AFG2A: variants seen among roughly 807,000 people sequenced by gnomAD.
AFG2A encodes the protein ATPase family gene 2 protein homolog A.
chr4:123,252,514 A>T, the AFG2A span, among the ~76,000 whole-genome samples: 5 of 152,204 alleles, frequency 3.3e-5, no homozygotes. Flanking sequence ...CAAAGAAGAT[A>T]ATCTTTCCAG....
the AFG2A span, among the ~76,000 whole-genome samples, chr4:123,214,651 A>G: frequency 6.6e-6 from 1 of 152,064 alleles, no homozygotes; most frequent in Non-Finnish European, 1.5e-5. Flanking sequence ...ACCATTTACT[A>G]ACATGAAATA....
the AFG2A span, among the ~76,000 whole-genome samples, chr4:123,096,227 A>G: frequency 6.6e-6 from 1 of 152,126 alleles, no homozygotes; most frequent in African/African-American, 2.4e-5. Flanking sequence ...TGAGTCCTCT[A>G]GTGTTCATTT....
At chr4:123,115,240 C>CG in the AFG2A span, among the ~76,000 whole-genome samples, 3 of 151,924 alleles carry the variant, frequency 2.0e-5, no homozygotes, top group Non-Finnish European at 4.4e-5. Context: ...GAGACCCTGC[C>CG]GGGGGGCACC....
At chr4:123,003,665 AG>A in the AFG2A span, among the ~76,000 whole-genome samples, 3 of 151,654 alleles carry the variant, frequency 2.0e-5, no homozygotes, top group African/African-American at 7.3e-5. Context: ...TCCCTCTGGA[AG>A]TTTTGTCTCA....
the AFG2A span, among the ~76,000 whole-genome samples, chr4:123,064,435 T>G: frequency 1.3e-5 from 2 of 152,226 alleles, no homozygotes; most frequent in African/African-American, 4.8e-5. Flanking sequence ...CACAGAAAGG[T>G]CCCTGCATTA....
At chr4:123,093,232 T>C in the AFG2A span, among the ~76,000 whole-genome samples, 3 of 152,318 alleles carry the variant, frequency 2.0e-5, no homozygotes, top group East Asian at 3.9e-4. Flanking sequence ...GGTGCAGGGC[T>C]AACTCATAAG....
the AFG2A span, among the ~76,000 whole-genome samples, chr4:123,301,252 C>G: frequency 6.6e-5 from 10 of 151,972 alleles, no homozygotes; most frequent in Non-Finnish European, 7.4e-5. Context: ...TACTATGTGG[C>G]CAACAAACAC....
chr4:123,269,004 C>T, the AFG2A span, among the ~76,000 whole-genome samples: 2 of 152,200 alleles, frequency 1.3e-5, no homozygotes, highest in South Asian at 4.1e-4. Context: ...GAATCAGCCA[C>T]ACTGGGAATT....
the AFG2A span, among the ~76,000 whole-genome samples, chr4:123,038,954 A>G: frequency 1.3e-5 from 2 of 152,128 alleles, no homozygotes; most frequent in African/African-American, 2.4e-5. Context: ...CAAACAAAGT[A>G]TCAAGAATGT....
chr4:122,931,624 T>C, the AFG2A span, among the ~76,000 whole-genome samples: 1 of 152,100 alleles, frequency 6.6e-6, no homozygotes, highest in Non-Finnish European at 1.5e-5. Context: ...GATTTAGAAG[T>C]GTTAGAAATG....
chr4:123,087,210 G>C, the AFG2A span, among the ~76,000 whole-genome samples: 1 of 152,192 alleles, frequency 6.6e-6, no homozygotes. Context: ...GTGTTGGGGG[G>C]AGTATGGGAA....
chr4:123,055,263 T>C, the AFG2A span, among the ~76,000 whole-genome samples: 1 of 152,344 alleles, frequency 6.6e-6, no homozygotes, highest in Middle Eastern at 3.4e-3. Context: ...AGAGACCTTT[T>C]TGATTTCTTC....
At chr4:123,215,617 C>T in the AFG2A span, among the ~76,000 whole-genome samples, 1 of 151,686 alleles carries the variant, frequency 6.6e-6, no homozygotes, top group Admixed American at 6.6e-5. Context: ...TGCCACAATG[C>T]CTCTTAACTT....
chr4:123,160,714 G>GT, the AFG2A span, among the ~76,000 whole-genome samples: 92 of 151,810 alleles, frequency 6.1e-4, 3 homozygotes, highest in East Asian at 9.7e-4. Flanking sequence ...TTTTTCTTTT[G>GT]TTTTTTTTAA....
At chr4:123,201,117 T>C in the AFG2A span, among the ~76,000 whole-genome samples, 1 of 152,244 alleles carries the variant, frequency 6.6e-6, no homozygotes, top group Non-Finnish European at 1.5e-5. Context: ...GTAGCTGTAG[T>C]GTGAACATCC....
the AFG2A span, among the ~76,000 whole-genome samples, chr4:123,025,356 A>G: frequency 1.6e-3 from 251 of 152,310 alleles, no homozygotes; most frequent in African/African-American, 5.7e-3. Context: ...GGTTTATCAC[A>G]TTGAAAATGG....
the AFG2A span, among the ~76,000 whole-genome samples, chr4:123,074,609 GT>G: frequency 6.6e-6 from 1 of 151,774 alleles, no homozygotes; most frequent in Non-Finnish European, 1.5e-5. Flanking sequence ...CCCTTTGATG[GT>G]TTTCTAATGG....
the AFG2A span, among the ~76,000 whole-genome samples, chr4:123,010,432 T>C: frequency 3.3e-5 from 5 of 152,274 alleles, no homozygotes; most frequent in African/African-American, 1.2e-4. Flanking sequence ...AGCTCCACAA[T>C]GTAGAGACCG....
the AFG2A span, among the ~76,000 whole-genome samples, chr4:123,087,892 G>A: frequency 2.0e-5 from 3 of 152,140 alleles, no homozygotes; most frequent in African/African-American, 7.2e-5. Context: ...AGGACGGAGC[G>A]AAGACTTCCG....
Sources: gnomAD v4.1 joint callset for allele counts (sites outside exome capture counted in the v4.1 genomes callset) on GRCh38, gnomAD v4.1.1 for gene constraint, MANE v1.5 for transcripts, NCBI Gene and HGNC (gene_info 2026-07-23, HGNC 2026-07-21) for gene names.